The following FGF13 variants were observed in gnomAD, a reference collection of about 807,000 sequenced individuals.
The protein encoded by FGF13 is fibroblast growth factor homologous factor 2.
Under a neutral mutation model 19.5 loss-of-function variants are expected in FGF13, and 2 were observed. The observed-to-expected ratio is 0.10, with a 90% CI of 0.04 to 0.32. The LOEUF (loss-of-function observed/expected upper bound fraction) is 0.32. FGF13 is among the 10% of genes least tolerant of loss of function. FGF13 has a pLI of 1.00. For synonymous variants in FGF13, 72 were observed against 76.9 expected (o/e 0.94, Z 0.33); for missense variants, 113 against 192.7 (o/e 0.59, Z 2.45).
At chrX:138,834,065 AT>A (rs760734225) in intron 3 of FGF13, among the ~76,000 whole-genome samples, 16 of 110,922 alleles carry the variant, frequency 1.4e-4, no homozygotes, top group Admixed American at 8.6e-4. Context: ...GCTTGCCAGT[AT>A]TTTCTTGAGG....
intron 1 of FGF13, among the ~76,000 whole-genome samples, chrX:138,923,426 T>C (rs1293441286): frequency 2.7e-5 from 3 of 112,331 alleles, no homozygotes; most frequent in Non-Finnish European, 5.6e-5. Flanking sequence ...GATCAAAATA[T>C]AAGGATGATT....
At chrX:138,953,159 C>G (rs774781632) in intron 1 of FGF13, among the ~76,000 whole-genome samples, 19 of 110,768 alleles carry the variant, frequency 1.7e-4, no homozygotes, top group Non-Finnish European at 3.0e-4. Context: ...TTCACAATAG[C>G]AAAGACTTGG....
chrX:139,020,173 G>T (rs927675548), intron 1 of FGF13, among the ~76,000 whole-genome samples: 2 of 111,226 alleles, frequency 1.8e-5, no homozygotes, highest in Non-Finnish European at 3.8e-5. Flanking sequence ...CTAACTTAGG[G>T]TTACAAATTC....
intron 1 of FGF13, among the ~76,000 whole-genome samples, chrX:139,177,238 C>CTTTTTTTT (rs35867493): frequency 3.0e-4 from 15 of 49,917 alleles, no homozygotes; most frequent in African/African-American, 4.5e-4. Context: ...GCAACCCCTG[C>CTTTTTTTT]TTTTTTTTTT....
At chrX:139,044,518 G>A (rs1051019033) in intron 1 of FGF13, among the ~76,000 whole-genome samples, 1 of 111,346 alleles carries the variant, frequency 9.0e-6, no homozygotes, top group Non-Finnish European at 1.9e-5. Context: ...ACAATTCAAC[G>A]TAAGATTTGG....
chrX:138,704,198 G>C lies in FGF13; in HGVS notation c.299-1111C>G, dbSNP rs376485580. ...GCAAGTGGGCAGCCAGTTGGTGCCA[G>C]TGAGGACTTCATTTCTCCATTTGAA... is the stretch of plus-strand genomic sequence containing the variant. On this transcript the variant is annotated intron_variant, in intron 2 of 4. Coordinates refer to ENST00000315930, the MANE Select transcript of FGF13 (RefSeq NM_004114.5). Among the ~76,000 whole-genome samples the C allele has an allele frequency of 4.5e-5, 5 of 111,649 alleles. No individual in the cohort carries two copies. In the East Asian group the frequency reaches 1.4e-3, roughly 31 times the overall value.
intron 1 of FGF13, among the ~76,000 whole-genome samples, chrX:139,073,489 A>G (rs1490825526): frequency 9.0e-6 from 1 of 110,936 alleles, no homozygotes; most frequent in Non-Finnish European, 1.9e-5. Flanking sequence ...TATTTCACTC[A>G]CTCTTTTCCC....
In FGF13 at chrX:139,052,530, T is replaced by C. The variant is rs2092305808; in HGVS notation, c.-113+150886A>G. On this transcript the variant is annotated intron_variant, in intron 1 of 2. Coordinates refer to the FGF13 transcript ENST00000421460. ...CATAACAATTTCCCATTGAAACTCT[T>C]ACAAAATTGCCCTTGTTTGATGAGA... 3.6e-5 allele frequency among the ~76,000 whole-genome samples: 4 copies of C among 112,244 alleles called. No individual in the cohort carries two copies. The South Asian group carries it at 1.5e-3, about 42-fold the overall frequency.
At chrX:138,837,248 G>A (rs765292263) in intron 3 of FGF13, among the ~76,000 whole-genome samples, 2 of 111,443 alleles carry the variant, frequency 1.8e-5, no homozygotes, top group Admixed American at 9.4e-5. Context: ...CCATGGACAC[G>A]CTGAAGCCTG....
intron 1 of FGF13, among the ~76,000 whole-genome samples, chrX:139,116,685 C>T (rs1050976792): frequency 1.8e-5 from 2 of 110,134 alleles, no homozygotes; most frequent in African/African-American, 6.6e-5. Flanking sequence ...AAAAGGAGAG[C>T]GGGGGGAAAA....
intron 3 of FGF13, among the ~76,000 whole-genome samples, chrX:138,699,541 G>A (rs1283765501): frequency 9.0e-6 from 1 of 110,681 alleles, no homozygotes; most frequent in African/African-American, 3.3e-5. Flanking sequence ...CAAGCCACTA[G>A]AATCTGGCTT....
chrX:138,815,614 A>G (rs929145018), intron 3 of FGF13, among the ~76,000 whole-genome samples: 9 of 110,535 alleles, frequency 8.1e-5, no homozygotes, highest in Non-Finnish European at 1.7e-4. Flanking sequence ...GACATCTCAA[A>G]TAACTTTAGA....
At chrX:138,855,023 T>A (rs143755318), downstream of FGF13, among the ~76,000 whole-genome samples, 2,056 of 105,843 alleles carry the variant, frequency 0.019, 30 homozygotes, top group Non-Finnish European at 0.032. Flanking sequence ...AAAAAAGAGG[T>A]CTTTTATTTC....
chrX:138,961,768 T>G (rs896811777), intron 1 of FGF13, among the ~76,000 whole-genome samples: 27 of 111,780 alleles, frequency 2.4e-4, no homozygotes, highest in African/African-American at 5.5e-4. Context: ...AATAAATGGT[T>G]CTGGGAAAAC....
Position 138,628,549 on chromosome X carries a change from T to C in FGF13, c.*4301A>G, listed in dbSNP as rs1222022889. ...GGCACATTTCAATTTTACCCATGAA[T>C]GACATCGCATCTAAATGAGGCTTCT... On this transcript the variant is annotated 3_prime_UTR_variant, in exon 5 of 5. Transcript: ENST00000315930. The C allele has an allele frequency of 8.9e-6, 1 of 112,428 alleles. No individual in the cohort carries two copies. The highest frequency in any genetic ancestry group is 1.9e-5 in the Non-Finnish European group (1 of 53,273). 9.3% of individuals were successfully genotyped at this position (112,428 alleles called of 1,213,427 possible). A position where few individuals can be genotyped will look rare whatever the true frequency, so the allele number is the denominator to read the frequency against.
At chrX:138,890,233 C>T (rs2091470118) in intron 1 of FGF13, among the ~76,000 whole-genome samples, 1 of 111,634 alleles carries the variant, frequency 9.0e-6, no homozygotes, top group South Asian at 3.8e-4. Flanking sequence ...CCGGCCTGAA[C>T]TTTTTCTATG....
intron 1 of FGF13, among the ~76,000 whole-genome samples, chrX:139,003,098 C>T (rs2092081266): frequency 8.9e-6 from 1 of 111,962 alleles, no homozygotes; most frequent in Non-Finnish European, 1.9e-5. Context: ...AAGCCGCGGA[C>T]CCTCGCGGTG....
chrX:138,731,640 T>G (rs2090232360), intron 1 of FGF13, among the ~76,000 whole-genome samples: 4 of 109,799 alleles, frequency 3.6e-5, no homozygotes, highest in Admixed American at 2.9e-4. Context: ...CGAAAAAAAC[T>G]AATTAAACCC....
chrX:138,732,106 T>C (rs1015948296), intron 1 of FGF13, among the ~76,000 whole-genome samples: 2 of 111,489 alleles, frequency 1.8e-5, no homozygotes, highest in African/African-American at 6.5e-5. Context: ...GATGATTATG[T>C]AGAACAACCA....
Sources: allele counts gnomAD v4.1 joint callset (sites outside exome capture counted in the v4.1 genomes callset), GRCh38; gene constraint gnomAD v4.1.1; transcripts MANE v1.5; gene names NCBI Gene and HGNC (gene_info 2026-07-23, HGNC 2026-07-21).